Variants in PELI2 observed in about 807,000 individuals in gnomAD.
The protein encoded by PELI2 is E3 ubiquitin-protein ligase pellino homolog 2.
A neutral mutation model predicts 42.3 loss-of-function variants in PELI2; 23 were observed. That is an observed-to-expected ratio of 0.54 (90% CI 0.39 to 0.77). PELI2 has a LOEUF of 0.77. Ranked by LOEUF, PELI2 falls within the 30% of genes least tolerant of loss-of-function variation. PELI2 has a pLI of 0.00. For synonymous variants in PELI2, 245 were observed against 212.2 expected (o/e 1.15, Z -1.34); for missense variants, 463 against 553.2 (o/e 0.84, Z 1.64).
chr14:56,148,089 C>T (rs1341414560), intron 1 of PELI2, among the ~76,000 whole-genome samples: 1 of 152,224 alleles, frequency 6.6e-6, no homozygotes, highest in Non-Finnish European at 1.5e-5. Flanking sequence ...GATTCTGTCT[C>T]AGGGCAGCTG....
chr14:56,266,153 A>G (rs572507747), intron 2 of PELI2, among the ~76,000 whole-genome samples: 1 of 152,222 alleles, frequency 6.6e-6, no homozygotes, highest in Admixed American at 6.5e-5. Context: ...CCAAAATCAT[A>G]GAAATACTAA....
chr14:56,119,880 A>AT (rs1361250367), intron 1 of PELI2: 16 of 980,470 alleles, frequency 1.6e-5, no homozygotes, highest in Non-Finnish European at 1.5e-5. Context: ...TAGCACACAT[A>AT]TGAGGAGTCA....
At chr14:56,221,342 G>C (rs1887126049) in intron 2 of PELI2, among the ~76,000 whole-genome samples, 1 of 152,182 alleles carries the variant, frequency 6.6e-6, no homozygotes, top group Non-Finnish European at 1.5e-5. Flanking sequence ...GCTTGCCCTG[G>C]ACCTGCAGTG....
At position 56,286,747 on chromosome 14, in the gene PELI2, T is replaced by C. The variant is rs184734025; in HGVS notation, c.310-1690T>C. On this transcript the variant is annotated intron_variant, in intron 3 of 5. Transcript: ENST00000267460. ...TAGTTTTGTTTTTTTGTTGTTTTTTTTGTTGTTGTTGTTGTTTTGTTTTCC... is the reference window on the plus strand; with the variant it reads ...TAGTTTTGTTTTTTTGTTGTTTTTTCTGTTGTTGTTGTTGTTTTGTTTTCC... 6.6e-5 allele frequency among the ~76,000 whole-genome samples: 10 copies of C among 151,734 alleles called. No individual in the cohort carries two copies. The East Asian group carries it at 1.9e-3, about 29-fold the overall frequency.
At chr14:56,222,406 T>C (rs1479744) in intron 2 of PELI2, among the ~76,000 whole-genome samples, 61,364 of 152,116 alleles carry the variant, frequency 0.4, 13,177 homozygotes, top group South Asian at 0.53. Context: ...GTGAACCAAG[T>C]GTTGAATGGT....
chr14:56,122,204 G>A (rs1010318886), intron 1 of PELI2, among the ~76,000 whole-genome samples: 8 of 152,152 alleles, frequency 5.3e-5, no homozygotes, highest in African/African-American at 1.9e-4. Flanking sequence ...TGGCACGTAT[G>A]TACCTATGTA....
intron 1 of PELI2, among the ~76,000 whole-genome samples, chr14:56,152,750 G>T (rs1428340243): frequency 6.6e-6 from 1 of 152,152 alleles, no homozygotes; most frequent in Non-Finnish European, 1.5e-5. Flanking sequence ...AACCAAATTA[G>T]TTTATAATTA....
At chr14:56,231,282 C>T (rs1186598861) in intron 2 of PELI2, among the ~76,000 whole-genome samples, 2 of 152,204 alleles carry the variant, frequency 1.3e-5, no homozygotes, top group African/African-American at 2.4e-5. Flanking sequence ...CAGAACTCTC[C>T]ACCCCAATTC....
chr14:56,165,508 G>T (rs1884923623), intron 1 of PELI2, among the ~76,000 whole-genome samples: 1 of 152,034 alleles, frequency 6.6e-6, no homozygotes, highest in South Asian at 2.1e-4. Flanking sequence ...CACATAATGT[G>T]GTCTATCCTT....
chr14:56,292,804 G>A, intron 5 of PELI2: 1 of 959,404 alleles, frequency 1.0e-6, no homozygotes, highest in Non-Finnish European at 1.2e-6. Context: ...TTAACTCCCT[G>A]AATAAATAGG....
intron 1 of PELI2, among the ~76,000 whole-genome samples, chr14:56,145,726 A>G (rs1020154018): frequency 6.6e-6 from 1 of 152,240 alleles, no homozygotes; most frequent in Non-Finnish European, 1.5e-5. Context: ...TTCCTATGCC[A>G]TGCATTTGGG....
In PELI2 at chr14:56,197,451, T is replaced by A. The variant is rs1886168382; in HGVS notation, c.207+18987T>A. 6.6e-6 allele frequency among the ~76,000 whole-genome samples: 1 copy of A among 152,144 alleles called. No homozygotes were observed. Among genetic ancestry groups the A allele is most frequent in the Non-Finnish European group, 1.5e-5 (1 of 68,034 alleles). The stretch of plus-strand genomic sequence containing the variant: ...TCTTGTTCATGGGCCTTGGCTTTAA[T>A]CTGGTTGCAATAGGAAGCTGTTGGG... On this transcript the variant is annotated intron_variant, in intron 2 of 5. Transcript: ENST00000267460. This position sits in a 1 kb window ranked among gnomAD's most constrained non-coding sequence, Gnocchi z 4.9.
chr14:56,217,448 G>C (rs895387036), intron 2 of PELI2, among the ~76,000 whole-genome samples: 1 of 152,230 alleles, frequency 6.6e-6, no homozygotes, highest in Admixed American at 6.5e-5. Flanking sequence ...GTTGTAAGAG[G>C]AGGACTCCTC....
At position 56,219,664 on chromosome 14, in the gene PELI2, C is replaced by G. The variant is rs1352354631; in HGVS notation, c.207+41200C>G. On this transcript the variant is annotated intron_variant, in intron 2 of 5. Coordinates refer to ENST00000267460, the MANE Select transcript of PELI2 (RefSeq NM_021255.3). This position sits in a 1 kb window ranked among gnomAD's most constrained non-coding sequence, Gnocchi z 4.1. ...TTGTTTATGGATGATTCTTAACTGGCTGATTATCCCATTTCTATTTCAGTA... is the reference window on the plus strand; with the variant it reads ...TTGTTTATGGATGATTCTTAACTGGGTGATTATCCCATTTCTATTTCAGTA... Among the ~76,000 whole-genome samples, 1 of 152,194 alleles carries G rather than the reference C, an allele frequency of 6.6e-6. No homozygotes were observed. The highest frequency in any genetic ancestry group is 2.4e-5 in the African/African-American group (1 of 41,452).
intron 1 of PELI2, among the ~76,000 whole-genome samples, chr14:56,171,502 A>T (rs1352985533): frequency 6.6e-6 from 1 of 152,154 alleles, no homozygotes; most frequent in African/African-American, 2.4e-5. Flanking sequence ...CACAAAACAT[A>T]CTAAGATAAT....
chr14:56,204,451 A>G (rs1886443747), intron 2 of PELI2, among the ~76,000 whole-genome samples: 1 of 152,048 alleles, frequency 6.6e-6, no homozygotes. Flanking sequence ...ATGGAAGGAT[A>G]ATGTGAATTT....
At chr14:56,198,003 CA>C (rs1566632219) in intron 2 of PELI2, among the ~76,000 whole-genome samples, 233 of 134,706 alleles carry the variant, frequency 1.7e-3, no homozygotes, top group African/African-American at 3.3e-3. Flanking sequence ...CACACACACA[CA>C]CACACACACC....
At chr14:56,233,720 G>A (rs77744109) in intron 2 of PELI2, among the ~76,000 whole-genome samples, 61,299 of 151,952 alleles carry the variant, frequency 0.4, 13,077 homozygotes, top group South Asian at 0.53. Context: ...CTGTAATACC[G>A]AAAGCAATGG....
rs752726063 is a variant in PELI2 at position 56,118,668 on chromosome 14, C to T, written c.8C>T (p.Ser3Phe). Residue 3 changes from serine to phenylalanine, a missense_variant, in exon 1 of 6, where the codon TCC becomes TTC. This residue lies in a region of PELI2 where 343 missense variants were observed against 378.4 expected (regional missense o/e 0.91). Transcript: ENST00000267460. MF[S>F]PGQEEHCAPN... ...GCGGCCGAGCGGGGCTCCATGTTTT[C>T]CCCTGGCCAGGAGGAACACTGCGCC... 3.4e-6 allele frequency: 5 copies of T among 1,468,338 alleles called. 1 individual carries two copies. The highest frequency in any genetic ancestry group is 4.6e-4 in the Middle Eastern group (2 of 4,390). The allele number at this position is 1,468,338 out of a possible 1,614,324, so 91.0% of individuals were successfully genotyped here. A position where few individuals can be genotyped will look rare whatever the true frequency, so the allele number is the denominator to read the frequency against.
Sources: gnomAD v4.1 joint callset for allele counts (sites outside exome capture counted in the v4.1 genomes callset) on GRCh38, gnomAD v4.1.1 for gene constraint, gnomAD v4.1.1 regional missense constraint, Gnocchi (gnomAD v3.1) non-coding constraint, MANE v1.5 for transcripts, NCBI Gene and HGNC (gene_info 2026-07-23, HGNC 2026-07-21) for gene names.